PDCD6IP: variants seen among roughly 807,000 people sequenced by gnomAD.
PDCD6IP encodes programmed cell death 6 interacting protein.
PDCD6IP carries 43 observed loss-of-function variants against 103.7 expected under a neutral mutation model. The ratio of observed to expected loss-of-function variants is 0.41; its 90% CI spans 0.32 to 0.53. The LOEUF is 0.53. PDCD6IP is among the 20% of genes least tolerant of loss of function. PDCD6IP has a pLI of 0.16. For synonymous variants in PDCD6IP, 354 were observed against 378.7 expected, an observed-to-expected ratio of 0.93 and a Z score of 0.76; for missense variants, 871 against 1,036.7, an observed-to-expected ratio of 0.84 and a Z score of 2.20.
chr3:33,867,933 T>A lies in PDCD6IP; in HGVS notation c.*1408T>A, dbSNP rs1465610216. 1 of 152,226 alleles carries A rather than the reference T, an allele frequency of 6.6e-6. No individual in the cohort carries two copies. Among genetic ancestry groups the A allele is most frequent in the African/African-American group, 2.4e-5 (1 of 41,454 alleles). The allele number at this position is 152,226 out of a possible 1,614,324, so 9.4% of individuals were successfully genotyped here. A position where few individuals can be genotyped will look rare whatever the true frequency, so the allele number is the denominator to read the frequency against. On this transcript the variant is annotated 3_prime_UTR_variant, in exon 18 of 18. Coordinates refer to ENST00000307296, the MANE Select transcript of PDCD6IP (RefSeq NM_013374.6). Reference sequence around the variant, plus strand: ...TGAGTTTGGATTTATATTTTAAATGTTCGAATGAAAGTATGATTGTAAAAG... The same window carrying A: ...TGAGTTTGGATTTATATTTTAAATGATCGAATGAAAGTATGATTGTAAAAG...
chr3:33,800,325 C>G (rs1192264111), intron 1 of PDCD6IP, among the ~76,000 whole-genome samples: 1 of 152,030 alleles, frequency 6.6e-6, no homozygotes, highest in Non-Finnish European at 1.5e-5. Flanking sequence ...GAAGGGAGTG[C>G]TTTTCTCCTT....
chr3:33,838,776 GTA>G (rs1423076944), intron 9 of PDCD6IP, among the ~76,000 whole-genome samples: 1 of 150,138 alleles, frequency 6.7e-6, no homozygotes. Context: ...GTGTGTATGT[GTA>G]TATATATATA....
intron 3 of PDCD6IP, among the ~76,000 whole-genome samples, chr3:33,815,764 G>A (rs1479828356): frequency 1.3e-5 from 2 of 152,176 alleles, no homozygotes. Flanking sequence ...TAGTAGAAAG[G>A]TTGACTCTGA....
At chr3:33,848,063 T>G (rs999154021) in intron 12 of PDCD6IP, among the ~76,000 whole-genome samples, 3 of 152,202 alleles carry the variant, frequency 2.0e-5, no homozygotes, top group Non-Finnish European at 4.4e-5. Flanking sequence ...AGGAGTGCCT[T>G]TTTTGGATTC....
rs1013370958 is a variant in PDCD6IP at position 33,798,634 on chromosome 3, A to C, written c.-95A>C. ...CGGAGCGCAAGTCTGTCAGCCAGTC[A>C]GTCCGCCAGTCCGCCAGCCCAGTAC... On this transcript the variant is annotated 5_prime_UTR_variant, in exon 1 of 18. Coordinates refer to ENST00000307296, the MANE Select transcript of PDCD6IP (RefSeq NM_013374.6). 23 of 1,185,578 alleles carry C rather than the reference A, an allele frequency of 1.9e-5. No individual in the cohort carries two copies. The South Asian group carries it at 3.8e-4, about 20-fold the overall frequency. 73.4% of individuals were successfully genotyped at this position (1,185,578 alleles called of 1,614,324 possible). A position where few individuals can be genotyped will look rare whatever the true frequency, so the allele number is the denominator to read the frequency against.
chr3:33,838,138 A>C, intron 8 of PDCD6IP, 66 bp from the exon 9 acceptor site: 2 of 1,389,070 alleles, frequency 1.4e-6, no homozygotes, highest in Non-Finnish European at 1.0e-6. Context: ...GAAAATATAA[A>C]CAGTCACTTT....
chr3:33,828,874 G>A lies in PDCD6IP; in HGVS notation c.739G>A (p.Ala247Thr), dbSNP rs762124942. 3.1e-6 allele frequency: 5 copies of A among 1,612,712 alleles called. No homozygotes were observed. The highest frequency in any genetic ancestry group is 1.7e-6 in the Non-Finnish European group (2 of 1,179,146). ...CCAGGAGGTGTTCCCTGTCTTGGCT[G>A]CAAAGCACTGTATCATGCAGGCCAA... ...LPKEVFPVLA[A>T]KHCIMQANAE... Residue 247 changes from alanine to threonine, a missense_variant, in exon 7 of 18, where the codon GCA becomes ACA. By Grantham distance (58) the Ala-to-Thr change is moderately conservative. Transcript: ENST00000307296.
At chr3:33,863,814 T>G in intron 15 of PDCD6IP, 192 bp from the exon 16 acceptor site, 1 of 555,328 alleles carries the variant, frequency 1.8e-6, no homozygotes, top group Non-Finnish European at 3.2e-6. Context: ...GATCTAGTTT[T>G]AGTTTTTTGA....
chr3:33,819,934 A>G (rs1696950224), intron 3 of PDCD6IP, among the ~76,000 whole-genome samples: 1 of 152,226 alleles, frequency 6.6e-6, no homozygotes, highest in Non-Finnish European at 1.5e-5. Flanking sequence ...ATTATTGTGC[A>G]AACATCATCT....
rs374663760 is a variant in PDCD6IP, at chr3:33,816,176, G to C, written c.334+2548G>C. Among the ~76,000 whole-genome samples the C allele has an allele frequency of 1.8e-4, 28 of 152,268 alleles. 1 individual carries two copies. The South Asian group carries it at 4.1e-3, about 23-fold the overall frequency. On this transcript the variant is annotated intron_variant, in intron 3 of 17. Coordinates refer to ENST00000307296, the MANE Select transcript of PDCD6IP (RefSeq NM_013374.6). ...AGAGTGCCAGATGTGATAGGAGAAAGTTTTGGAGTAGGGCACTGGAATTAG... is the reference window on the plus strand; with the variant it reads ...AGAGTGCCAGATGTGATAGGAGAAACTTTTGGAGTAGGGCACTGGAATTAG...
intron 3 of PDCD6IP, among the ~76,000 whole-genome samples, chr3:33,815,497 A>T (rs1406213160): frequency 1.3e-5 from 2 of 152,184 alleles, no homozygotes; most frequent in Non-Finnish European, 2.9e-5. Context: ...TATGGTTAGG[A>T]TTTAATGAAG....
In PDCD6IP at chr3:33,852,455, TTGCAGTTAAACTAAGGTG is replaced by T; in HGVS notation, c.1642-31_1642-14del. 25 of 1,342,448 alleles carry T rather than the reference TTGCAGTTAAACTAAGGTG, an allele frequency of 1.9e-5. No homozygotes were observed. The highest frequency in any genetic ancestry group is 3.3e-5 in the South Asian group (2 of 59,756). 83.2% of individuals were successfully genotyped at this position (1,342,448 alleles called of 1,614,324 possible). A position where few individuals can be genotyped will look rare whatever the true frequency, so the allele number is the denominator to read the frequency against. Reference sequence around the variant, plus strand: ...AAATTGGCTTTTTTTTTTTTTTTTTTTGCAGTTAAACTAAGGTGTCTTTTTTGTTTAGGTTGTAAATGT... The same window carrying T: ...AAATTGGCTTTTTTTTTTTTTTTTTTTCTTTTTTGTTTAGGTTGTAAATGT... On this transcript the variant is annotated splice_polypyrimidine_tract_variant and intron_variant, in intron 12 of 17. Transcript: ENST00000307296.
intron 1 of PDCD6IP, among the ~76,000 whole-genome samples, chr3:33,808,607 C>G (rs939564447): frequency 6.6e-6 from 1 of 152,188 alleles, no homozygotes; most frequent in Non-Finnish European, 1.5e-5. Context: ...TCTGCTGCCA[C>G]CGTGGACTCC....
At chr3:33,805,906 G>A (rs542310288) in intron 1 of PDCD6IP, among the ~76,000 whole-genome samples, 8 of 151,772 alleles carry the variant, frequency 5.3e-5, no homozygotes, top group Non-Finnish European at 7.4e-5. Flanking sequence ...CACTACGCCC[G>A]GCTAATTTTT....
At chr3:33,832,637 TTC>T (rs1697267109) in intron 7 of PDCD6IP, among the ~76,000 whole-genome samples, 1 of 152,216 alleles carries the variant, frequency 6.6e-6, no homozygotes, top group South Asian at 2.1e-4. Flanking sequence ...TGATCTGACA[TTC>T]TGACTTTATC....
chr3:33,799,738 A>G (rs994732068), intron 1 of PDCD6IP, among the ~76,000 whole-genome samples: 6 of 152,346 alleles, frequency 3.9e-5, no homozygotes, highest in Admixed American at 2.0e-4. Context: ...TTTTCTCCGT[A>G]TAGTATATTC....
intron 1 of PDCD6IP, among the ~76,000 whole-genome samples, chr3:33,804,965 AT>A (rs1696559223): frequency 6.6e-6 from 1 of 152,170 alleles, no homozygotes; most frequent in African/African-American, 2.4e-5. Context: ...CTAAATACAG[AT>A]TGCAGCTGAA....
At chr3:33,844,641 C>T (rs11920005) in intron 11 of PDCD6IP, among the ~76,000 whole-genome samples, 44,471 of 151,776 alleles carry the variant, frequency 0.29, 6,754 homozygotes, top group East Asian at 0.41. Flanking sequence ...CTACCATGCC[C>T]GGCTGATTTT....
chr3:33,858,432 G>A (rs1345665625), intron 15 of PDCD6IP, among the ~76,000 whole-genome samples: 2 of 152,172 alleles, frequency 1.3e-5, no homozygotes, highest in Non-Finnish European at 2.9e-5. Flanking sequence ...GTTGTAGTGC[G>A]CTATGATTGT....
Sources: allele counts gnomAD v4.1 joint callset (sites outside exome capture counted in the v4.1 genomes callset), GRCh38; gene constraint gnomAD v4.1.1; transcripts MANE v1.5; gene names NCBI Gene and HGNC (gene_info 2026-07-23, HGNC 2026-07-21).